GALNTL6: variants seen among roughly 807,000 people sequenced by gnomAD.
GALNTL6 encodes the protein polypeptide N-acetylgalactosaminyltransferase-like 6.
A neutral mutation model predicts 73.7 loss-of-function variants in GALNTL6; 46 were observed. The ratio of observed to expected loss-of-function variants is 0.62; its 90% CI spans 0.49 to 0.80. The LOEUF (loss-of-function observed/expected upper bound fraction) is 0.80, where lower values mean the gene tolerates loss of function less well. Among genes scored for constraint, GALNTL6 ranks in the 30% least tolerant of loss-of-function variants. The pLI is 0.00. For missense variants in GALNTL6, 604 were observed against 755.0 expected, an observed-to-expected ratio of 0.80 and a Z score of 2.34; for synonymous variants, 259 against 263.7, an observed-to-expected ratio of 0.98 and a Z score of 0.17.
intron 5 of GALNTL6, among the ~76,000 whole-genome samples, chr4:172,761,974 G>C (rs1042433383): frequency 1.3e-5 from 2 of 152,178 alleles, no homozygotes; most frequent in Admixed American, 1.3e-4. Context: ...ACAGTGCAAA[G>C]TGACAAATCT....
At chr4:171,940,386 C>A (rs1003718485) in intron 2 of GALNTL6, among the ~76,000 whole-genome samples, 1 of 151,844 alleles carries the variant, frequency 6.6e-6, no homozygotes, top group Non-Finnish European at 1.5e-5. Context: ...CTCACATTAC[C>A]ATAATACATA....
intron 5 of GALNTL6, among the ~76,000 whole-genome samples, chr4:172,493,394 A>G (rs1289910163): frequency 6.6e-6 from 1 of 152,206 alleles, no homozygotes; most frequent in Non-Finnish European, 1.5e-5. Flanking sequence ...ACTAAAAGAT[A>G]TTCACTTTTA....
chr4:172,180,528 C>G (rs1283667188), intron 2 of GALNTL6, among the ~76,000 whole-genome samples: 2 of 152,110 alleles, frequency 1.3e-5, no homozygotes, highest in African/African-American at 4.8e-5. Flanking sequence ...TTGCCCATGC[C>G]TATGTCCTGT....
At chr4:172,836,619 G>A (rs1742924160) in intron 7 of GALNTL6, among the ~76,000 whole-genome samples, 1 of 152,152 alleles carries the variant, frequency 6.6e-6, no homozygotes, top group Non-Finnish European at 1.5e-5. Context: ...TTACCTAATT[G>A]AAAAGTCATT....
chr4:172,030,627 T>C (rs998510407), intron 2 of GALNTL6, among the ~76,000 whole-genome samples: 2 of 151,972 alleles, frequency 1.3e-5, no homozygotes, highest in East Asian at 1.9e-4. Context: ...GGAGAATCAC[T>C]TGATCCCAAG....
At position 172,609,625 on chromosome 4, in the gene GALNTL6, C is replaced by CTGTGTGTG. The variant is rs35490374; in HGVS notation, c.554-199702_554-199695dup. Among the ~76,000 whole-genome samples the CTGTGTGTG allele has an allele frequency of 8.3e-3, 769 of 92,760 alleles. 20 individuals are homozygous for CTGTGTGTG. The highest frequency in any genetic ancestry group is 0.028 in the African/African-American group (617 of 21,864). The allele number at this position is 92,760 out of a possible 152,430, so 60.9% of individuals were successfully genotyped here. On this transcript the variant is annotated intron_variant, in intron 5 of 12. Coordinates refer to ENST00000506823, the MANE Select transcript of GALNTL6 (RefSeq NM_001034845.3). ...TTTCTCTCTCTCTCTCTCTCTCTCT[C>CTGTGTGTG]TGTGTGTGTGTGTGTGTGTGTGTGT...
chr4:172,341,864 G>A (rs896009158), intron 4 of GALNTL6, among the ~76,000 whole-genome samples: 1 of 152,156 alleles, frequency 6.6e-6, no homozygotes, highest in Non-Finnish European at 1.5e-5. Flanking sequence ...GACTAATACA[G>A]TTGAATCAAG....
At chr4:172,419,809 G>A (rs577876905) in intron 5 of GALNTL6, among the ~76,000 whole-genome samples, 1 of 152,192 alleles carries the variant, frequency 6.6e-6, no homozygotes, top group Non-Finnish European at 1.5e-5. Flanking sequence ...GATCAACTGA[G>A]GACCTCTCTC....
At chr4:172,303,324 A>G (rs996828478) in intron 3 of GALNTL6, among the ~76,000 whole-genome samples, 5 of 152,132 alleles carry the variant, frequency 3.3e-5, no homozygotes, top group Non-Finnish European at 7.3e-5. Context: ...AGTATGGATT[A>G]TTAACTTACT....
intron 5 of GALNTL6, among the ~76,000 whole-genome samples, chr4:172,392,091 C>A (rs1302974020): frequency 6.6e-6 from 1 of 151,982 alleles, no homozygotes; most frequent in Admixed American, 6.6e-5. Context: ...TGGGTTCAAG[C>A]GATTCTCCTG....
intron 5 of GALNTL6, among the ~76,000 whole-genome samples, chr4:172,448,594 C>G (rs1053781112): frequency 6.6e-6 from 1 of 152,218 alleles, no homozygotes; most frequent in African/African-American, 2.4e-5. Context: ...ACACAGTCTA[C>G]TGTCCCCTCT....
intron 5 of GALNTL6, among the ~76,000 whole-genome samples, chr4:172,581,057 C>T (rs948020204): frequency 3.3e-5 from 5 of 152,170 alleles, no homozygotes; most frequent in East Asian, 1.9e-4. Context: ...CCACTGTGCC[C>T]GGCTGGCTGT....
intron 5 of GALNTL6, among the ~76,000 whole-genome samples, chr4:172,533,316 A>ATTTTTTTTTTTTTTTTTTTTTTTT (rs34973148): frequency 1.3e-5 from 1 of 77,394 alleles, no homozygotes. Context: ...CCCGGCCAGA[A>ATTTTTTTTTTTTTTTTTTTTTTTT]TTTTTTTTTT....
At chr4:172,535,222 T>C (rs1735306519) in intron 5 of GALNTL6, among the ~76,000 whole-genome samples, 1 of 152,242 alleles carries the variant, frequency 6.6e-6, no homozygotes, top group Non-Finnish European at 1.5e-5. Flanking sequence ...ATATATGGAC[T>C]CAAATTTATA....
intron 5 of GALNTL6, among the ~76,000 whole-genome samples, chr4:172,677,003 A>G (rs1304804141): frequency 2.0e-5 from 3 of 152,220 alleles, no homozygotes; most frequent in Non-Finnish European, 4.4e-5. Context: ...GAAATGCTAG[A>G]TAGAATCTGT....
At chr4:172,641,664 C>T (rs1739989160) in intron 5 of GALNTL6, among the ~76,000 whole-genome samples, 1 of 152,108 alleles carries the variant, frequency 6.6e-6, no homozygotes, top group Non-Finnish European at 1.5e-5. Flanking sequence ...CCACCACCCT[C>T]AACCTGGACG....
intron 7 of GALNTL6, among the ~76,000 whole-genome samples, chr4:172,861,701 T>C (rs2111137715): frequency 6.6e-6 from 1 of 152,296 alleles, no homozygotes; most frequent in African/African-American, 2.4e-5. Flanking sequence ...GGTGGTTCTT[T>C]CCCATGCTGT....
At chr4:172,238,022 T>G (rs901151279) in intron 3 of GALNTL6, among the ~76,000 whole-genome samples, 1 of 152,234 alleles carries the variant, frequency 6.6e-6, no homozygotes, top group East Asian at 1.9e-4. Flanking sequence ...GATACTGTGA[T>G]GCCTTCAGCT....
At chr4:172,829,637 G>T (rs62340299) in intron 7 of GALNTL6, among the ~76,000 whole-genome samples, 13,096 of 152,206 alleles carry the variant, frequency 0.086, 693 homozygotes, top group East Asian at 0.21. Context: ...TGAACATTTT[G>T]CAACTCACTG....
Sources: allele counts gnomAD v4.1 joint callset (sites outside exome capture counted in the v4.1 genomes callset), GRCh38; gene constraint gnomAD v4.1.1; transcripts MANE v1.5; gene names NCBI Gene and HGNC (gene_info 2026-07-23, HGNC 2026-07-21).